PPRC1: variants seen among roughly 807,000 people sequenced by gnomAD.
The protein encoded by PPRC1 is peroxisome proliferator-activated receptor gamma coactivator-related protein 1.
In PPRC1, 23 loss-of-function variants were observed where a neutral mutation model predicts 132.5. The ratio of observed to expected loss-of-function variants is 0.17; its 90% CI spans 0.12 to 0.25. PPRC1 has a LOEUF of 0.25. Among genes scored for constraint, PPRC1 ranks in the 10% least tolerant of loss-of-function variants. The probability of loss-of-function intolerance (pLI) is 1.00; values close to 1 mark genes in which losing one functional copy is unlikely to be tolerated. For missense variants in PPRC1, 2,006 were observed against 2,089.1 expected (o/e 0.96, Z 0.78); for synonymous variants, 872 against 833.5 (o/e 1.05, Z -0.80).
upstream of PPRC1, among the ~76,000 whole-genome samples, chr10:102,130,534 G>C (rs1429059424): frequency 6.6e-6 from 1 of 151,130 alleles, no homozygotes; most frequent in Non-Finnish European, 1.5e-5. Flanking sequence ...TCAGGAGTTT[G>C]AGACCAGCCA....
At chr10:102,129,214 C>A, upstream of PPRC1, among the ~76,000 whole-genome samples, 1 of 151,922 alleles carries the variant, frequency 6.6e-6, no homozygotes, top group East Asian at 1.9e-4. Flanking sequence ...TACAGGTGTG[C>A]ACCACCATGC....
At chr10:102,138,377 C>T (rs1477576569) in intron 2 of PPRC1, among the ~76,000 whole-genome samples, 3 of 152,174 alleles carry the variant, frequency 2.0e-5, no homozygotes, top group Admixed American at 6.5e-5. Context: ...CACATCTTAT[C>T]TGAGGGTAGG....
In PPRC1 at chr10:102,140,049, C is replaced by G. The variant is rs1418111289; in HGVS notation, c.1541C>G (p.Pro514Arg). 2 of 1,614,212 alleles carry G rather than the reference C, an allele frequency of 1.2e-6. No homozygotes were observed. Among genetic ancestry groups the G allele is most frequent in the Admixed American group, 3.3e-5 (2 of 60,020 alleles). Residue 514 changes from proline to arginine, a missense_variant, in exon 5 of 14, where the codon CCT (proline) becomes CGT (arginine). By Grantham distance (103) the Pro-to-Arg change is moderately radical. This residue lies in a region of PPRC1 where 1,914 missense variants were observed against 1,917.2 expected (regional missense o/e 1.00). Coordinates refer to ENST00000278070, the MANE Select transcript of PPRC1 (RefSeq NM_015062.5). ...PQEELQKESG[P>R]LQGKGKPRAW... ...GAAGAACTTCAAAAAGAGTCTGGGC[C>G]TCTCCAGGGTAAGGGGAAGCCCCGG...
intron 8 of PPRC1, among the ~76,000 whole-genome samples, 160 bp from the exon 9 acceptor site, chr10:102,146,512 G>A (rs987209581): frequency 7.9e-5 from 12 of 152,188 alleles, no homozygotes; most frequent in South Asian, 2.1e-4. Flanking sequence ...TGGGGAACAT[G>A]GGGAAGGGGC....
rs778843345 is a variant in PPRC1 at position 102,140,219 on chromosome 10, C to A, written c.1711C>A (p.Pro571Thr). 1.2e-6 allele frequency: 2 copies of A among 1,614,138 alleles called. No individual in the cohort carries two copies. Among genetic ancestry groups the A allele is most frequent in the African/African-American group, 2.7e-5 (2 of 74,942 alleles). The part of the protein sequence containing the change: ...LADTIQTNPI[P>T]THLSLVDSAQ... Reference sequence around the variant, plus strand: ...TGACACTATCCAAACCAATCCTATACCAACCCATCTCTCATTGGTCGACTC... The same window carrying A: ...TGACACTATCCAAACCAATCCTATAACAACCCATCTCTCATTGGTCGACTC... The change falls in exon 5 of 14, where the codon CCA becomes ACA. Residue 571 changes from proline (P) to threonine (T), a missense_variant. Physicochemically the swap from Pro to Thr is conservative, Grantham distance 38. This residue lies in a region of PPRC1 where 1,914 missense variants were observed against 1,917.2 expected (regional missense o/e 1.00). Coordinates refer to ENST00000278070, the MANE Select transcript of PPRC1 (RefSeq NM_015062.5).
Position 102,141,475 on chromosome 10 carries a change from A to G in PPRC1, c.2967A>G (p.Gln989=). Residue 989 remains glutamine (Q), a synonymous_variant, in exon 5 of 14, where the codon CAA becomes CAG. Transcript: ENST00000278070. ...YGPLGWGPGP[Q]HAPFWSTVPP... ...CCTTGGGATGGGGCCCAGGGCCTCA[A>G]CATGCTCCATTCTGGTCTACTGTTC... 6.2e-7 allele frequency: 1 copy of G among 1,613,760 alleles called. No homozygotes were observed.
At chr10:102,133,335 G>C (rs2068592630) in intron 1 of PPRC1, 114 bp downstream of exon 1, 5 of 983,420 alleles carry the variant, frequency 5.1e-6, no homozygotes. Context: ...CCGGGTGGCC[G>C]CGGGAGCCGG....
chr10:102,125,997 G>A, the PPRC1 span, among the ~76,000 whole-genome samples: 1 of 151,940 alleles, frequency 6.6e-6, no homozygotes, highest in Admixed American at 6.6e-5. Context: ...CAAGTAGCTG[G>A]GACTACAGGC....
Position 102,142,152 on chromosome 10 carries a change from TC to T in PPRC1, c.3496+150del, listed in dbSNP as rs2069012610. On this transcript the variant is annotated intron_variant, in intron 5 of 13. Coordinates refer to ENST00000278070, the MANE Select transcript of PPRC1 (RefSeq NM_015062.5). ...TTTTGAGATGGAGTCTTGCTCTGTC[TC>T]CAGGCTGGAGTGCAGTGGTGCAATC... 4.0e-6 allele frequency: 4 copies of T among 999,282 alleles called. No individual in the cohort carries two copies. In the South Asian group the frequency reaches 7.3e-5, roughly 18 times the overall value. The allele number at this position is 999,282 out of a possible 1,614,324, so 61.9% of individuals were successfully genotyped here. A position where few individuals can be genotyped will look rare whatever the true frequency, so the allele number is the denominator to read the frequency against.
upstream of PPRC1, among the ~76,000 whole-genome samples, chr10:102,129,304 C>T (rs986500197): frequency 2.0e-5 from 3 of 152,094 alleles, no homozygotes; most frequent in Non-Finnish European, 4.4e-5. Flanking sequence ...AAAGGACAAA[C>T]GATTGGAGGT....
rs370839386 is a variant in PPRC1 at position 102,139,907 on chromosome 10, C to G, written c.1399C>G (p.Gln467Glu). The G allele has an allele frequency of 6.2e-6, 10 of 1,614,152 alleles. No homozygotes were observed. In the African/African-American group the frequency reaches 6.7e-5, roughly 11 times the overall value. The change falls in exon 5 of 14, where the codon CAG becomes GAG. Residue 467 changes from glutamine to glutamate, a missense_variant. Around this residue, in one of 2 missense-constraint regions of PPRC1, gnomAD observed 1,914 missense variants for 1,917.2 expected, o/e 1.00. Transcript: ENST00000278070. ...GGGCAGGAAGAAGAAGAGCAAGGAGCAGCCAGCAGCCTGTGTGGAAGGCTA... is the reference window on the plus strand; with the variant it reads ...GGGCAGGAAGAAGAAGAGCAAGGAGGAGCCAGCAGCCTGTGTGGAAGGCTA... ...RKGRKKKSKE[Q>E]PAACVEGYAR...
Position 102,141,321 on chromosome 10 carries a change from C to T in PPRC1, c.2813C>T (p.Pro938Leu). The T allele has an allele frequency of 1.2e-6, 2 of 1,613,950 alleles. No individual in the cohort carries two copies. Among genetic ancestry groups the T allele is most frequent in the Non-Finnish European group, 1.7e-6 (2 of 1,179,878 alleles). Residue 938 changes from proline to leucine, a missense_variant, in exon 5 of 14, where the codon CCC (proline) becomes CTC (leucine). Physicochemically the swap from Pro to Leu is moderately conservative, Grantham distance 98. Around this residue, in one of 2 missense-constraint regions of PPRC1, gnomAD observed 1,914 missense variants for 1,917.2 expected, o/e 1.00. Coordinates refer to ENST00000278070, the MANE Select transcript of PPRC1 (RefSeq NM_015062.5). The stretch of plus-strand genomic sequence containing the variant: ...TCCCCTTCTGGCTATCCTTGCCTGC[C>T]CCCCCCACCAACGGTGCCCCTAGTG... ...HVSPSGYPCL[P>L]PPPTVPLVSG...
chr10:102,130,080 C>A (rs946697045), upstream of PPRC1, among the ~76,000 whole-genome samples: 1 of 152,100 alleles, frequency 6.6e-6, no homozygotes, highest in East Asian at 1.9e-4. Flanking sequence ...GCTTTTAAAG[C>A]CTTTTTGAGA....
chr10:102,135,382 TTTG>T (rs888975570), intron 1 of PPRC1, among the ~76,000 whole-genome samples: 5 of 152,038 alleles, frequency 3.3e-5, no homozygotes, highest in African/African-American at 4.8e-5. Flanking sequence ...ATTTTGTTGT[TTTG>T]TTGTTGTTTT....
the PPRC1 span, chr10:102,120,411 G>C: frequency 1.0e-6 from 1 of 983,994 alleles, no homozygotes; most frequent in Non-Finnish European, 1.2e-6. Flanking sequence ...GCGTGTCTGT[G>C]CGCTCCCGCC....
the PPRC1 span, among the ~76,000 whole-genome samples, chr10:102,127,547 C>T: frequency 6.6e-6 from 1 of 151,874 alleles, no homozygotes; most frequent in East Asian, 1.9e-4. Flanking sequence ...GCTGGGATTA[C>T]AGGCAAGTGC....
chr10:102,146,790 A>C lies in PPRC1; in HGVS notation c.3798A>C (p.Glu1266Asp), dbSNP rs1369469436. ...CCCAGGAGGGAACCCTGAAGCCTGA[A>C]GGAGTTACGGAGGCCAAACATCCAG... ...STAQEGTLKP[E>D]GVTEAKHPAA... The change falls in exon 9 of 14, where the codon GAA becomes GAC. Residue 1266 changes from glutamate (E) to aspartate (D), a missense_variant. Transcript: ENST00000278070. 1 of 1,614,056 alleles carries C rather than the reference A, an allele frequency of 6.2e-7. No individual in the cohort carries two copies. Among genetic ancestry groups the C allele is most frequent in the South Asian group, 1.1e-5 (1 of 91,078 alleles).
rs1292320501 is a variant in PPRC1 at position 102,146,832 on chromosome 10, A to G, written c.3840A>G (p.Gln1280=). The change falls in exon 9 of 14, where the codon CAA becomes CAG. Residue 1280 remains glutamine (Q), a synonymous_variant. Transcript: ENST00000278070. ...AACATCCAGCTGCAGTTCGCCTCCAAGAAGGGGTCCATGGCCCTAGTCGAG... is the reference window on the plus strand; with the variant it reads ...AACATCCAGCTGCAGTTCGCCTCCAGGAAGGGGTCCATGGCCCTAGTCGAG... ...EAKHPAAVRL[Q]EGVHGPSRVH... 6.2e-7 allele frequency: 1 copy of G among 1,614,118 alleles called. No individual in the cohort carries two copies. Among genetic ancestry groups the G allele is most frequent in the East Asian group, 2.2e-5 (1 of 44,868 alleles).
the PPRC1 span, among the ~76,000 whole-genome samples, chr10:102,123,136 G>A: frequency 6.6e-6 from 1 of 152,206 alleles, no homozygotes; most frequent in African/African-American, 2.4e-5. Flanking sequence ...TGAATGGGTG[G>A]TTAAAATAAG....
Sources: allele counts gnomAD v4.1 joint callset (sites outside exome capture counted in the v4.1 genomes callset), GRCh38; gene constraint gnomAD v4.1.1; regional missense constraint gnomAD v4.1.1; transcripts MANE v1.5; gene names NCBI Gene and HGNC (gene_info 2026-07-23, HGNC 2026-07-21).